Variants in MYOM2 observed in about 807,000 individuals in gnomAD.
MYOM2 encodes myomesin 2.
A neutral mutation model predicts 187.6 loss-of-function variants in MYOM2; 254 were observed. The ratio of observed to expected loss-of-function variants is 1.35; its 90% CI spans 1.22 to 1.50. The LOEUF (loss-of-function observed/expected upper bound fraction) is 1.50. Ranked by LOEUF, MYOM2 falls within the 40% of genes most tolerant of loss-of-function variation. The pLI is 0.00. For missense variants in MYOM2, 2,796 were observed against 1,924.0 expected (o/e 1.45, Z -8.48); for synonymous variants, 981 against 753.8 (o/e 1.30, Z -4.94).
intron 3 of MYOM2, among the ~76,000 whole-genome samples, chr8:2,057,113 T>C (rs898456194): frequency 1.3e-5 from 2 of 152,214 alleles, no homozygotes; most frequent in African/African-American, 4.8e-5. Context: ...TATTTTTTTA[T>C]TAATAAATCA....
At chr8:2,078,221 C>G (rs989177903) in intron 11 of MYOM2, among the ~76,000 whole-genome samples, 2 of 152,148 alleles carry the variant, frequency 1.3e-5, no homozygotes, top group Admixed American at 1.3e-4. Context: ...AAGAAATGTC[C>G]TAACATTATT....
chr8:2,050,265 C>G (rs1273932916), intron 1 of MYOM2, among the ~76,000 whole-genome samples: 1 of 152,190 alleles, frequency 6.6e-6, no homozygotes, highest in African/African-American at 2.4e-5. Flanking sequence ...GTCCACCGAG[C>G]CTCCTCTCAA....
intron 14 of MYOM2, among the ~76,000 whole-genome samples, chr8:2,089,150 C>G (rs1796199486): frequency 7.5e-6 from 1 of 133,522 alleles, no homozygotes; most frequent in Non-Finnish European, 1.7e-5. Context: ...CAGTGTATAT[C>G]CAACTTTTAC....
intron 32 of MYOM2, 46 bp from the exon 33 acceptor site, chr8:2,140,677 G>A (rs745534304): frequency 1.3e-6 from 2 of 1,598,970 alleles, no homozygotes; most frequent in Non-Finnish European, 1.7e-6. Flanking sequence ...TTGTGCGTGT[G>A]ACATGGAGAC....
Position 2,064,950 on chromosome 8 carries a change from G to T in MYOM2, c.654-4328G>T, listed in dbSNP as rs1399851770. ...AGAAATTGTGTTGCTTTATAGGACT[G>T]TAAGGGCAAGGAGGGATTTCCGTAG... On this transcript the variant is annotated intron_variant, in intron 6 of 36. Transcript: ENST00000262113. Among the ~76,000 whole-genome samples the T allele has an allele frequency of 6.6e-5, 10 of 152,356 alleles. No individual in the cohort carries two copies. The South Asian group carries it at 1.9e-3, about 28-fold the overall frequency.
chr8:2,049,022 A>C (rs1818398210), intron 1 of MYOM2, among the ~76,000 whole-genome samples: 1 of 151,860 alleles, frequency 6.6e-6, no homozygotes, highest in Admixed American at 6.6e-5. Flanking sequence ...CAATCTCCTG[A>C]CCTCGTGATC....
intron 6 of MYOM2, among the ~76,000 whole-genome samples, chr8:2,068,287 T>C (rs1356096234): frequency 3.3e-5 from 5 of 149,606 alleles, no homozygotes; most frequent in African/African-American, 1.2e-4. Context: ...GCAGAGAGCA[T>C]CCTGGGCACA....
intron 32 of MYOM2, among the ~76,000 whole-genome samples, chr8:2,133,383 A>C (rs1049971263): frequency 3.3e-5 from 5 of 152,200 alleles, no homozygotes; most frequent in African/African-American, 1.2e-4. Context: ...GAGCTCAGAC[A>C]CCACAGCGCT....
intron 11 of MYOM2, chr8:2,076,563 T>G (rs1397091820): frequency 4.8e-6 from 2 of 415,590 alleles, no homozygotes; most frequent in Admixed American, 8.1e-5. Flanking sequence ...GTCTTCAGGC[T>G]CACTCTGAGC....
rs1796333806 is a variant in MYOM2 at position 2,092,352 on chromosome 8, C to T, written c.1835C>T (p.Pro612Leu). ...PIQAQDVTVV[P>L]SAPGRVLASR... is the part of the protein sequence containing the mutation. ...TTTTGTCTCCTACGAAAAGTTGTCC[C>T]TTCTGCTCCGGGTCGGGTTCTTGCT... Residue 612 changes from proline to leucine, a missense_variant, in exon 16 of 37, where the codon CCT (proline) becomes CTT (leucine). Physicochemically the swap from Pro to Leu is moderately conservative, Grantham distance 98. Coordinates refer to ENST00000262113, the MANE Select transcript of MYOM2 (RefSeq NM_003970.4). 2 of 1,613,838 alleles carry T rather than the reference C, an allele frequency of 1.2e-6. No homozygotes were observed. Among genetic ancestry groups the T allele is most frequent in the Admixed American group, 1.7e-5 (1 of 59,988 alleles).
intron 13 of MYOM2, among the ~76,000 whole-genome samples, chr8:2,080,266 G>A (rs1039978754): frequency 6.6e-6 from 1 of 152,206 alleles, no homozygotes; most frequent in Non-Finnish European, 1.5e-5. Flanking sequence ...ACTGGCTAGA[G>A]AGAGGTGATT....
chr8:2,073,391 G>T lies in MYOM2; in HGVS notation c.1011G>T (p.Gln337His). Residue 337 changes from glutamine (Q) to histidine (H), a missense_variant, in exon 10 of 37, where the codon CAG becomes CAT. Transcript: ENST00000262113. ...KWTKMFFGEG[Q>H]ASLSFSHLHK... ...CGAAGATGTTCTTTGGAGAAGGCCA[G>T]GCCTCCCTGTCCTTCAGCCACCTGC... 1 of 1,613,386 alleles carries T rather than the reference G, an allele frequency of 6.2e-7. No homozygotes were observed. Among genetic ancestry groups the T allele is most frequent in the Non-Finnish European group, 8.5e-7 (1 of 1,179,736 alleles).
At chr8:2,081,479 C>T (rs1393701238) in intron 13 of MYOM2, among the ~76,000 whole-genome samples, 2 of 152,216 alleles carry the variant, frequency 1.3e-5, no homozygotes, top group African/African-American at 2.4e-5. Context: ...TCCTCACGAG[C>T]AGACAGATCA....
intron 30 of MYOM2, 137 bp from the exon 31 acceptor site, chr8:2,124,042 G>A: frequency 1.2e-6 from 1 of 855,954 alleles, no homozygotes; most frequent in Non-Finnish European, 1.8e-6. Flanking sequence ...GTCTTTTATG[G>A]ATAAATATTG....
chr8:2,129,871 G>C (rs1010088430), intron 32 of MYOM2, among the ~76,000 whole-genome samples: 1 of 152,032 alleles, frequency 6.6e-6, no homozygotes, highest in African/African-American at 2.4e-5. Context: ...GCTGAATCGA[G>C]GAGTCCCCAA....
chr8:2,081,770 G>A (rs554627706), intron 13 of MYOM2: 1 of 152,478 alleles, frequency 6.6e-6, no homozygotes, highest in Non-Finnish European at 1.5e-5. Flanking sequence ...TTCATGAGGT[G>A]TCAAATGAAG....
At chr8:2,134,028 G>C (rs62480001) in intron 32 of MYOM2, among the ~76,000 whole-genome samples, 57,136 of 149,130 alleles carry the variant, frequency 0.38, 11,488 homozygotes, top group African/African-American at 0.52. Flanking sequence ...CACCTCCACC[G>C]TCTTCCCCTG....
At chr8:2,067,588 C>G (rs977726813) in intron 6 of MYOM2, among the ~76,000 whole-genome samples, 1 of 152,154 alleles carries the variant, frequency 6.6e-6, no homozygotes, top group African/African-American at 2.4e-5. Context: ...AGCGCCTCTT[C>G]CTTACCCCCT....
At chr8:2,095,173 G>A (rs191456567) in intron 17 of MYOM2, among the ~76,000 whole-genome samples, 30 of 152,238 alleles carry the variant, frequency 2.0e-4, no homozygotes, top group African/African-American at 6.7e-4. Context: ...CATCTAGCTA[G>A]GTACAATAGC....
Sources: gnomAD v4.1 joint callset for allele counts (sites outside exome capture counted in the v4.1 genomes callset) on GRCh38, gnomAD v4.1.1 for gene constraint, MANE v1.5 for transcripts, NCBI Gene and HGNC (gene_info 2026-07-23, HGNC 2026-07-21) for gene names.